The following RANBP2 variants were observed in gnomAD, a reference collection of about 807,000 sequenced individuals.
RANBP2 encodes E3 SUMO-protein ligase RanBP2.
A neutral mutation model predicts 303.6 loss-of-function variants in RANBP2; 57 were observed. The observed-to-expected ratio is 0.19, with a 90% confidence interval of 0.15 to 0.23. The LOEUF is 0.23. Ranked by LOEUF, RANBP2 falls within the 10% of genes least tolerant of loss-of-function variation. RANBP2 has a pLI of 1.00. For synonymous variants in RANBP2, 1,167 were observed against 1,301.5 expected (o/e 0.90, Z 2.23); for missense variants, 3,138 against 3,780.8 (o/e 0.83, Z 4.46).
chr2:109,143,969 T>A, the RANBP2 span, among the ~76,000 whole-genome samples: 1 of 152,206 alleles, frequency 6.6e-6, no homozygotes, highest in South Asian at 2.1e-4. Flanking sequence ...AAATACTGTG[T>A]GATCTCATTC....
At chr2:108,836,945 T>C in the RANBP2 span, among the ~76,000 whole-genome samples, 1 of 149,664 alleles carries the variant, frequency 6.7e-6, no homozygotes, top group East Asian at 1.9e-4. Flanking sequence ...TATGTATTCT[T>C]TTTTTTTTTA....
the RANBP2 span, among the ~76,000 whole-genome samples, chr2:109,579,479 G>T: frequency 6.6e-6 from 1 of 151,716 alleles, no homozygotes; most frequent in Non-Finnish European, 1.5e-5. Flanking sequence ...TGCCTCCTGG[G>T]TTCAAGTGGT....
intron 18 of RANBP2, among the ~76,000 whole-genome samples, chr2:108,759,455 C>T (rs934979251): frequency 1.3e-5 from 2 of 152,060 alleles, no homozygotes; most frequent in African/African-American, 2.4e-5. Flanking sequence ...CTTTTACGTA[C>T]GACAGACTTC....
At chr2:109,305,343 C>T in the RANBP2 span, among the ~76,000 whole-genome samples, 3 of 152,106 alleles carry the variant, frequency 2.0e-5, no homozygotes, top group African/African-American at 7.2e-5. Flanking sequence ...TCTGTGGTTA[C>T]CTTTAATGGC....
the RANBP2 span, among the ~76,000 whole-genome samples, chr2:109,744,079 T>G: frequency 9.7e-6 from 1 of 102,784 alleles, no homozygotes; most frequent in African/African-American, 2.7e-5. Context: ...AGTGCTGTGA[T>G]GAACATGTGA....
the RANBP2 span, chr2:109,593,264 G>A: frequency 6.3e-6 from 3 of 478,916 alleles, no homozygotes; most frequent in South Asian, 7.2e-5. Flanking sequence ...TTATTGAATC[G>A]TGTTTGAAAT....
chr2:108,865,976 T>C, the RANBP2 span, among the ~76,000 whole-genome samples: 26 of 152,176 alleles, frequency 1.7e-4, no homozygotes, highest in Non-Finnish European at 3.1e-4. Flanking sequence ...CCTCTTTCTC[T>C]TCCTGGGGAG....
chr2:108,788,156 C>A (rs1054066268), downstream of RANBP2: 17 of 1,515,812 alleles, frequency 1.1e-5, no homozygotes, highest in African/African-American at 2.4e-4. Context: ...CGGTGGCTCA[C>A]GCCTGTAATC....
At chr2:108,976,752 A>G in the RANBP2 span, among the ~76,000 whole-genome samples, 1 of 151,822 alleles carries the variant, frequency 6.6e-6, no homozygotes, top group African/African-American at 2.4e-5. Flanking sequence ...GGTGACTGGG[A>G]GCTCTTTTAG....
the RANBP2 span, among the ~76,000 whole-genome samples, chr2:109,052,386 A>T: frequency 1.3e-5 from 2 of 152,252 alleles, no homozygotes; most frequent in Non-Finnish European, 2.9e-5. Flanking sequence ...TTAATAGCAT[A>T]GGTAGCTATA....
At chr2:109,078,280 A>G in the RANBP2 span, among the ~76,000 whole-genome samples, 6 of 112,576 alleles carry the variant, frequency 5.3e-5, no homozygotes, top group African/African-American at 2.1e-4. Context: ...ATATATATAT[A>G]TATATATATA....
At chr2:109,326,645 C>T in the RANBP2 span, among the ~76,000 whole-genome samples, 1 of 152,120 alleles carries the variant, frequency 6.6e-6, no homozygotes, top group Non-Finnish European at 1.5e-5. Flanking sequence ...TGTTCATAGC[C>T]TTTTCTACAA....
chr2:108,720,968 G>C (rs1694190447), intron 1 of RANBP2, among the ~76,000 whole-genome samples: 2 of 152,128 alleles, frequency 1.3e-5, no homozygotes, highest in South Asian at 4.1e-4. Flanking sequence ...AGAGTCGCTT[G>C]AACCCGGGAG....
chr2:109,587,730 G>A, the RANBP2 span, among the ~76,000 whole-genome samples: 2 of 152,156 alleles, frequency 1.3e-5, no homozygotes, highest in East Asian at 1.9e-4. Context: ...TGGCTAACAC[G>A]GTGAAACCCT....
the RANBP2 span, among the ~76,000 whole-genome samples, chr2:109,517,532 G>A: frequency 6.6e-6 from 1 of 152,210 alleles, no homozygotes; most frequent in Non-Finnish European, 1.5e-5. Flanking sequence ...GCCCTGTGCA[G>A]GGAACAGCAT....
At chr2:108,997,440 CAA>C in the RANBP2 span, among the ~76,000 whole-genome samples, 3 of 49,952 alleles carry the variant, frequency 6.0e-5, no homozygotes, top group East Asian at 9.0e-4. Flanking sequence ...GACTCTGTCT[CAA>C]AAAAAAAAAA....
chr2:109,215,679 G>A, the RANBP2 span, among the ~76,000 whole-genome samples: 4 of 152,186 alleles, frequency 2.6e-5, no homozygotes, highest in African/African-American at 9.7e-5. Flanking sequence ...AGAAGCTGCT[G>A]CTTCTGGAAT....
the RANBP2 span, among the ~76,000 whole-genome samples, chr2:109,536,382 T>C: frequency 6.6e-6 from 1 of 152,220 alleles, no homozygotes; most frequent in East Asian, 1.9e-4. Context: ...GGAGATCGTT[T>C]TGGAGCTTTA....
the RANBP2 span, among the ~76,000 whole-genome samples, chr2:108,938,823 G>A: frequency 8.9e-6 from 1 of 112,000 alleles, no homozygotes. Flanking sequence ...TTGCTCTGTA[G>A]CCCAGGCTGG....
Sources: allele counts gnomAD v4.1 joint callset (sites outside exome capture counted in the v4.1 genomes callset), GRCh38; gene constraint gnomAD v4.1.1; transcripts MANE v1.5; gene names NCBI Gene and HGNC (gene_info 2026-07-23, HGNC 2026-07-21).